PDE7B: variants seen among roughly 807,000 people sequenced by gnomAD.
PDE7B encodes the protein phosphodiesterase 7B.
PDE7B carries 29 observed loss-of-function variants against 56.2 expected under a neutral mutation model. The observed-to-expected ratio is 0.52, with a 90% CI of 0.38 to 0.70. PDE7B has a LOEUF of 0.70. PDE7B is among the 30% of genes least tolerant of loss of function. The pLI, the probability that PDE7B is intolerant of heterozygous loss-of-function variation, is 0.00. For synonymous variants in PDE7B, 197 were observed against 196.9 expected (o/e 1.00, Z 0.00); for missense variants, 490 against 565.0 (o/e 0.87, Z 1.35).
chr6:136,032,778 AT>A (rs1224650922), intron 2 of PDE7B, among the ~76,000 whole-genome samples: 1 of 152,178 alleles, frequency 6.6e-6, no homozygotes, highest in Non-Finnish European at 1.5e-5. Flanking sequence ...ACAATATTAA[AT>A]TTTTATAGCA....
chr6:136,005,549 C>T lies in PDE7B; in HGVS notation c.82+58025C>T, dbSNP rs527567392. Among the ~76,000 whole-genome samples, 23 of 152,120 alleles carry T rather than the reference C, an allele frequency of 1.5e-4. 1 individual carries two copies. Among genetic ancestry groups the T allele is most frequent in the African/African-American group, 4.3e-4 (18 of 41,508 alleles). The stretch of plus-strand genomic sequence containing the variant: ...CCCATTGAAAAGTGGGTGAAGGACA[C>T]GAACAGACACTTCTCAAAAGAAGAC... On this transcript the variant is annotated intron_variant, in intron 2 of 12. Coordinates refer to ENST00000308191, the MANE Select transcript of PDE7B (RefSeq NM_018945.4).
intron 2 of PDE7B, among the ~76,000 whole-genome samples, chr6:136,063,621 G>T (rs1039522393): frequency 2.6e-5 from 4 of 152,122 alleles, no homozygotes; most frequent in African/African-American, 9.7e-5. Flanking sequence ...TCTTCCCGTG[G>T]CTCCCAGCTA....
intron 2 of PDE7B, among the ~76,000 whole-genome samples, chr6:135,983,165 A>C (rs1004316436): frequency 6.6e-6 from 1 of 152,188 alleles, no homozygotes; most frequent in African/African-American, 2.4e-5. Context: ...CAAAAAATTT[A>C]AGACACACAC....
chr6:136,142,950 A>G (rs1778352737), intron 3 of PDE7B, among the ~76,000 whole-genome samples: 1 of 152,062 alleles, frequency 6.6e-6, no homozygotes, highest in Non-Finnish European at 1.5e-5. Flanking sequence ...GCCTATTTAC[A>G]TTTAAGGTTA....
chr6:136,047,732 C>T (rs1776539680), intron 2 of PDE7B, among the ~76,000 whole-genome samples: 1 of 152,058 alleles, frequency 6.6e-6, no homozygotes, highest in Non-Finnish European at 1.5e-5. Context: ...CTTCTATTTA[C>T]TGGTTATTTA....
intron 2 of PDE7B, among the ~76,000 whole-genome samples, chr6:136,036,887 C>T (rs1364819473): frequency 2.6e-5 from 4 of 152,212 alleles, no homozygotes; most frequent in Non-Finnish European, 5.9e-5. Context: ...CCTACAAACC[C>T]AATTTGCTGG....
intron 1 of PDE7B, among the ~76,000 whole-genome samples, chr6:135,874,127 A>C (rs886263103): frequency 6.6e-6 from 1 of 152,122 alleles, no homozygotes; most frequent in Non-Finnish European, 1.5e-5. Flanking sequence ...CTGAGACTTG[A>C]AGGAATTGAG....
intron 3 of PDE7B, among the ~76,000 whole-genome samples, chr6:136,146,116 G>T (rs1178577078): frequency 6.6e-6 from 1 of 152,168 alleles, no homozygotes; most frequent in Non-Finnish European, 1.5e-5. Context: ...AGCACCCATT[G>T]TTTCCTCTGC....
At chr6:135,852,374 C>T (rs1450844490) in intron 1 of PDE7B, among the ~76,000 whole-genome samples, 2 of 151,408 alleles carry the variant, frequency 1.3e-5, no homozygotes, top group Non-Finnish European at 2.9e-5. Flanking sequence ...GGGTAATTTT[C>T]ATTTTTGGTG....
intron 1 of PDE7B, among the ~76,000 whole-genome samples, chr6:135,943,217 A>G (rs898864225): frequency 1.3e-5 from 2 of 152,218 alleles, no homozygotes; most frequent in African/African-American, 4.8e-5. Flanking sequence ...TCTTGTGCAT[A>G]ATGAAGTAAA....
chr6:136,014,805 G>T (rs1010162025), intron 2 of PDE7B, among the ~76,000 whole-genome samples: 1 of 152,110 alleles, frequency 6.6e-6, no homozygotes, highest in Admixed American at 6.5e-5. Context: ...ATGACAATGC[G>T]TAAAACACAT....
At chr6:136,095,722 T>G (rs1030509824) in intron 2 of PDE7B, 3 of 152,190 alleles carry the variant, frequency 2.0e-5, no homozygotes, top group African/African-American at 7.2e-5. Context: ...TCACCTTAAT[T>G]TCCGGTCTGT....
At chr6:135,894,672 G>C (rs1562428705) in intron 1 of PDE7B, among the ~76,000 whole-genome samples, 1 of 152,106 alleles carries the variant, frequency 6.6e-6, no homozygotes, top group Non-Finnish European at 1.5e-5. Context: ...CAATTAACCT[G>C]TCCAAAGGGG....
intron 6 of PDE7B, among the ~76,000 whole-genome samples, chr6:136,153,085 C>A (rs1341810133): frequency 2.0e-5 from 3 of 152,188 alleles, no homozygotes; most frequent in Admixed American, 2.0e-4. Flanking sequence ...CACAACATGG[C>A]TAATTTCCAG....
At chr6:136,162,879 T>A (rs569912538) in intron 8 of PDE7B, among the ~76,000 whole-genome samples, 1 of 152,356 alleles carries the variant, frequency 6.6e-6, no homozygotes, top group East Asian at 1.9e-4. Flanking sequence ...CTCCTTTGAC[T>A]CTGTGTCTCA....
At position 135,851,858 on chromosome 6, in the gene PDE7B, C is replaced by CTT. The variant is rs60347338; in HGVS notation, c.-129_-128dup. 1.7e-3 allele frequency: 839 copies of CTT among 507,906 alleles called. No individual in the cohort carries two copies. Among genetic ancestry groups the CTT allele is most frequent in the African/African-American group, 5.2e-3 (253 of 48,412 alleles). 31.5% of individuals were successfully genotyped at this position (507,906 alleles called of 1,614,324 possible). ...TTCTTTATTTCTTTTCCTTTTTTTT[C>CTT]TTTTTTTTTTTTTGTTACTTAATTA... On this transcript the variant is annotated 5_prime_UTR_variant, in exon 1 of 13. Coordinates refer to ENST00000308191, the MANE Select transcript of PDE7B (RefSeq NM_018945.4).
intron 1 of PDE7B, among the ~76,000 whole-genome samples, chr6:135,861,550 A>G (rs1043209739): frequency 2.7e-5 from 4 of 149,810 alleles, no homozygotes; most frequent in Admixed American, 2.0e-4. Context: ...GATACCTTTG[A>G]TTGTTATATA....
At chr6:136,191,019 T>C (rs1468247207) in intron 12 of PDE7B, among the ~76,000 whole-genome samples, 2 of 144,392 alleles carry the variant, frequency 1.4e-5, no homozygotes, top group Non-Finnish European at 3.0e-5. Flanking sequence ...TACACTTTTT[T>C]TTTTTTTTTT....
At chr6:136,069,741 A>G (rs1456843552) in intron 2 of PDE7B, among the ~76,000 whole-genome samples, 5 of 152,190 alleles carry the variant, frequency 3.3e-5, no homozygotes, top group Admixed American at 3.3e-4. Context: ...TTACTGTTAA[A>G]ATCACAATAT....
Sources: allele counts gnomAD v4.1 joint callset (sites outside exome capture counted in the v4.1 genomes callset), GRCh38; gene constraint gnomAD v4.1.1; transcripts MANE v1.5; gene names NCBI Gene and HGNC (gene_info 2026-07-23, HGNC 2026-07-21).